Variants in IQSEC3 observed in about 807,000 individuals in gnomAD.
The protein encoded by IQSEC3 is IQ motif and SEC7 domain-containing protein 3.
IQSEC3 carries 50 observed loss-of-function variants against 105.4 expected under a neutral mutation model. The observed-to-expected ratio is 0.47, with a 90% CI of 0.38 to 0.60. The LOEUF is 0.60. Among genes scored for constraint, IQSEC3 ranks in the 20% least tolerant of loss-of-function variants. IQSEC3 has a pLI of 0.00. For synonymous variants in IQSEC3, 708 were observed against 746.0 expected (o/e 0.95, Z 0.83); for missense variants, 1,415 against 1,630.0 (o/e 0.87, Z 2.27).
intron 2 of IQSEC3, among the ~76,000 whole-genome samples, chr12:124,908 C>T (rs574701865): frequency 1.6e-4 from 24 of 152,288 alleles, no homozygotes; most frequent in South Asian, 2.1e-4. Context: ...CTGTGGCTCC[C>T]GGGGAACAGA....
chr12:131,249 C>G (rs1458203060), intron 3 of IQSEC3, among the ~76,000 whole-genome samples: 1 of 152,228 alleles, frequency 6.6e-6, no homozygotes, highest in Non-Finnish European at 1.5e-5. Context: ...AGAAATTGCT[C>G]TCTTGGCAGG....
At chr12:134,826 G>A (rs2136988009) in intron 3 of IQSEC3, among the ~76,000 whole-genome samples, 1 of 150,582 alleles carries the variant, frequency 6.6e-6, no homozygotes, top group Non-Finnish European at 1.5e-5. Context: ...GGCCAGACGG[G>A]AAAGAAATGT....
At chr12:111,303 A>G (rs1555079497) in intron 2 of IQSEC3, among the ~76,000 whole-genome samples, 2 of 152,206 alleles carry the variant, frequency 1.3e-5, no homozygotes, top group Non-Finnish European at 1.5e-5. Context: ...AGGTTGACGA[A>G]TGGGCTTTTT....
In IQSEC3 at chr12:138,881, G is replaced by A; in HGVS notation, c.1518G>A (p.Ser506=). Residue 506 remains serine, a synonymous_variant, in exon 4 of 14, where the codon TCG becomes TCA. Coordinates refer to ENST00000538872, the MANE Select transcript of IQSEC3 (RefSeq NM_001170738.2). The surrounding 1 kb of genome is among the most constrained non-coding windows in gnomAD (Gnocchi z 7.1). The part of the protein sequence containing the change: ...NISVSSSTAL[S]VANCLGAQTV... ...CCGTCTCCTCCTCCACGGCTCTGTC[G>A]GTGGCCAACTGCCTGGGCGCTCAGA... The A allele has an allele frequency of 6.2e-7, 1 of 1,611,346 alleles. No homozygotes were observed. The highest frequency in any genetic ancestry group is 1.1e-5 in the South Asian group (1 of 90,572).
intron 1 of IQSEC3, among the ~76,000 whole-genome samples, chr12:83,078 G>A (rs561326680): frequency 2.4e-4 from 36 of 152,294 alleles, no homozygotes; most frequent in Admixed American, 6.5e-4. Flanking sequence ...GGTTCACACC[G>A]GTGCTGTGGG....
intron 1 of IQSEC3, among the ~76,000 whole-genome samples, chr12:92,992 C>G (rs189042895): frequency 2.0e-5 from 3 of 152,308 alleles, no homozygotes; most frequent in Non-Finnish European, 4.4e-5. Flanking sequence ...AGGGCTGGGT[C>G]AGGAAGGTGA....
At chr12:96,059 G>A (rs931097939) in intron 1 of IQSEC3, among the ~76,000 whole-genome samples, 7 of 152,198 alleles carry the variant, frequency 4.6e-5, no homozygotes, top group African/African-American at 7.2e-5. Context: ...ACCCAAGGTG[G>A]TTGGGCTGCA....
chr12:142,486 A>C (rs1866070782), intron 5 of IQSEC3: 1 of 152,044 alleles, frequency 6.6e-6, no homozygotes, highest in Admixed American at 6.6e-5. Flanking sequence ...GACTGAGTTC[A>C]ATGAGTGAGG....
At chr12:142,715 C>T (rs1866080552) in intron 5 of IQSEC3, 1 of 152,378 alleles carries the variant, frequency 6.6e-6, no homozygotes, top group South Asian at 2.1e-4. Flanking sequence ...CCCTTCCCTT[C>T]CCCAGCACTG....
chr12:72,963 G>A (rs1208535416), intron 1 of IQSEC3, among the ~76,000 whole-genome samples: 22 of 135,278 alleles, frequency 1.6e-4, no homozygotes, highest in African/African-American at 4.3e-4. Context: ...GGAGAATGGC[G>A]TGAACCCAGG....
At position 138,400 on chromosome 12, in the gene IQSEC3, G is replaced by A. The variant is rs782058255; in HGVS notation, c.1037G>A (p.Arg346His). 18 of 1,608,904 alleles carry A rather than the reference G, an allele frequency of 1.1e-5. No homozygotes were observed. The highest frequency in any genetic ancestry group is 1.4e-5 in the Non-Finnish European group (17 of 1,179,682). ...EKIRNSLLES[R>H]LPRRISLRKV... ...ATCCGCAACTCGCTTCTGGAGAGCC[G>A]CCTGCCACGGCGGATCTCCCTGCGC... is the stretch of plus-strand genomic sequence containing the variant. Residue 346 changes from arginine to histidine, a missense_variant, in exon 4 of 14, where the codon CGC becomes CAC. Physicochemically the swap from Arg to His is conservative, Grantham distance 29. Coordinates refer to ENST00000538872, the MANE Select transcript of IQSEC3 (RefSeq NM_001170738.2). This position sits in a 1 kb window ranked among gnomAD's most constrained non-coding sequence, Gnocchi z 7.1.
intron 5 of IQSEC3, chr12:148,937 G>C (rs182587541): frequency 5.3e-5 from 8 of 151,026 alleles, no homozygotes; most frequent in Non-Finnish European, 1.2e-4. Flanking sequence ...ACACTGTCTT[G>C]CTATCATTAA....
At chr12:97,676 C>G (rs1186495104) in intron 1 of IQSEC3, among the ~76,000 whole-genome samples, 2 of 152,074 alleles carry the variant, frequency 1.3e-5, no homozygotes, top group Non-Finnish European at 2.9e-5. Context: ...ATTAGCTGAG[C>G]CTGGTGGCAC....
At chr12:171,678 T>A (rs1306893045) in intron 13 of IQSEC3, among the ~76,000 whole-genome samples, 1 of 152,022 alleles carries the variant, frequency 6.6e-6, no homozygotes, top group African/African-American at 2.4e-5. Context: ...GTTGGAGAAT[T>A]GAGACTTGGG....
chr12:141,562 G>T, intron 5 of IQSEC3: 1 of 402,598 alleles, frequency 2.5e-6, no homozygotes, highest in Non-Finnish European at 4.4e-6. Flanking sequence ...AGCCCTTTCT[G>T]CCTGTCACTC....
rs563160349 is a variant in IQSEC3, at chr12:71,358, A to T, written c.554+3922A>T. Among the ~76,000 whole-genome samples the T allele has an allele frequency of 2.0e-5, 3 of 152,412 alleles. No individual in the cohort carries two copies. The South Asian group carries it at 6.2e-4, about 32-fold the overall frequency. ...CAAAACCCTGCACTCAGTGCTGTGG[A>T]AAGATTGGAAAGAAGCAAATGGTCC... On this transcript the variant is annotated intron_variant, in intron 1 of 13. Transcript: ENST00000538872.
chr12:137,960 G>T (rs907567736), intron 3 of IQSEC3, among the ~76,000 whole-genome samples: 2 of 151,928 alleles, frequency 1.3e-5, no homozygotes, highest in Non-Finnish European at 2.9e-5. Flanking sequence ...TAATGCGCCC[G>T]GCCATGAACA....
intron 7 of IQSEC3, among the ~76,000 whole-genome samples, chr12:158,931 T>C (rs1866791882): frequency 1.3e-5 from 2 of 152,260 alleles, no homozygotes; most frequent in African/African-American, 2.4e-5. Context: ...AGTGCTGGGA[T>C]TACAGGCATG....
At chr12:111,298 G>A (rs1230222817) in intron 2 of IQSEC3, among the ~76,000 whole-genome samples, 2 of 152,186 alleles carry the variant, frequency 1.3e-5, no homozygotes, top group Non-Finnish European at 2.9e-5. Flanking sequence ...ACCAAAGGTT[G>A]ACGAATGGGC....
Sources: gnomAD v4.1 joint callset for allele counts (sites outside exome capture counted in the v4.1 genomes callset) on GRCh38, gnomAD v4.1.1 for gene constraint, Gnocchi (gnomAD v3.1) non-coding constraint, MANE v1.5 for transcripts, NCBI Gene and HGNC (gene_info 2026-07-23, HGNC 2026-07-21) for gene names.